The following ATRX variants were observed in gnomAD, a reference collection of about 807,000 sequenced individuals.
ATRX encodes ATRX chromatin remodeler.
In ATRX, 12 loss-of-function variants were observed where a neutral mutation model predicts 172.6. The observed-to-expected ratio is 0.07, with a 90% confidence interval of 0.04 to 0.11. The LOEUF is 0.11. Among genes scored for constraint, ATRX ranks in the 10% least tolerant of loss-of-function variants. ATRX has a pLI of 1.00. For missense variants in ATRX, 1,368 were observed against 1,767.4 expected, an observed-to-expected ratio of 0.77 and a Z score of 4.05; for synonymous variants, 674 against 594.7, an observed-to-expected ratio of 1.13 and a Z score of -1.94.
intron 1 of ATRX, 116 bp from the exon 2 acceptor site, chrX:77,717,359 C>T: frequency 1.8e-6 from 1 of 563,522 alleles, no homozygotes; most frequent in South Asian, 2.7e-5. Context: ...AGAGTATGCA[C>T]ATTCAAAGTA....
At chrX:77,672,459 G>A (rs1456285286) in intron 10 of ATRX, among the ~76,000 whole-genome samples, 1 of 108,932 alleles carries the variant, frequency 9.2e-6, no homozygotes. Flanking sequence ...AGTTTCCTCC[G>A]AAAATATGCT....
intron 2 of ATRX, among the ~76,000 whole-genome samples, chrX:77,699,168 C>A (rs1557152045): frequency 9.1e-6 from 1 of 110,469 alleles, no homozygotes; most frequent in Non-Finnish European, 1.9e-5. Context: ...GGGTCTCACT[C>A]CATTGTCCAT....
At chrX:77,533,712 A>G (rs1249712691) in intron 30 of ATRX, among the ~76,000 whole-genome samples, 2 of 111,536 alleles carry the variant, frequency 1.8e-5, no homozygotes, top group East Asian at 5.6e-4. Context: ...TGATCTGTGC[A>G]GTAACCCACC....
intron 2 of ATRX, among the ~76,000 whole-genome samples, chrX:77,712,072 A>G (rs1293570400): frequency 9.0e-6 from 1 of 111,575 alleles, no homozygotes; most frequent in East Asian, 2.8e-4. Flanking sequence ...CTCTCTACTC[A>G]TGTTACAGCT....
At chrX:77,561,446 A>G (rs2065017234) in intron 28 of ATRX, among the ~76,000 whole-genome samples, 1 of 111,299 alleles carries the variant, frequency 9.0e-6, no homozygotes, top group Non-Finnish European at 1.9e-5. Flanking sequence ...ATTAAAGTAT[A>G]TGCTCAAAAC....
chrX:77,721,529 T>C (rs1463429971), intron 1 of ATRX, among the ~76,000 whole-genome samples: 1 of 111,059 alleles, frequency 9.0e-6, no homozygotes, highest in African/African-American at 3.3e-5. Context: ...TATACAACAA[T>C]AACAGATAGA....
chrX:77,697,866 G>A (rs1459563305), intron 3 of ATRX, among the ~76,000 whole-genome samples: 1 of 111,782 alleles, frequency 8.9e-6, no homozygotes, highest in Non-Finnish European at 1.9e-5. Flanking sequence ...GGTTTCCTTG[G>A]CTGAAGATTA....
At chrX:77,692,530 C>A (rs1212292521) in intron 6 of ATRX, among the ~76,000 whole-genome samples, 1 of 111,311 alleles carries the variant, frequency 9.0e-6, no homozygotes, top group Non-Finnish European at 1.9e-5. Flanking sequence ...GCAAGATAAT[C>A]ATAGCATTAA....
At chrX:77,559,348 C>T (rs972279940) in intron 28 of ATRX, among the ~76,000 whole-genome samples, 9 of 102,946 alleles carry the variant, frequency 8.7e-5, no homozygotes, top group Admixed American at 3.2e-4. Flanking sequence ...AAGACAGACA[C>T]GGGGCTCCAG....
chrX:77,641,765 A>C (rs2068668881), intron 15 of ATRX, among the ~76,000 whole-genome samples: 2 of 111,479 alleles, frequency 1.8e-5, no homozygotes, highest in Non-Finnish European at 1.9e-5. Context: ...TTGAAGACAA[A>C]GCAAGAAAAA....
chrX:77,583,181 A>G, intron 27 of ATRX, among the ~76,000 whole-genome samples: 1 of 111,803 alleles, frequency 8.9e-6, no homozygotes, highest in Non-Finnish European at 1.9e-5. Context: ...GAATAGTTCA[A>G]CATATACAAA....
chrX:77,677,656 C>A (rs2070957299), intron 9 of ATRX, among the ~76,000 whole-genome samples: 1 of 84,264 alleles, frequency 1.2e-5, no homozygotes, highest in Non-Finnish European at 2.5e-5. Flanking sequence ...TTATCTGAGA[C>A]CTCCCTGTAT....
chrX:77,698,516 A>C, intron 3 of ATRX, 58 bp downstream of exon 3: 1 of 1,051,705 alleles, frequency 9.5e-7, no homozygotes. Flanking sequence ...CAATCTAAAG[A>C]CATATGCTCT....
chrX:77,674,980 C>G (rs1557132686), intron 10 of ATRX: 2 of 111,662 alleles, frequency 1.8e-5, no homozygotes, highest in African/African-American at 6.5e-5. Context: ...CTATTCAAAA[C>G]TGTAAAATAA....
intron 15 of ATRX, among the ~76,000 whole-genome samples, chrX:77,641,453 C>A (rs781790737): frequency 2.7e-5 from 3 of 109,391 alleles, no homozygotes; most frequent in Non-Finnish European, 5.7e-5. Context: ...TGGTGGCACA[C>A]GCCTGTAGTC....
chrX:77,551,258 C>A (rs1178974246), intron 30 of ATRX, among the ~76,000 whole-genome samples: 1 of 111,602 alleles, frequency 9.0e-6, no homozygotes, highest in Non-Finnish European at 1.9e-5. Context: ...GTACTGGTAC[C>A]AAAACAGAGA....
intron 19 of ATRX, among the ~76,000 whole-genome samples, chrX:77,631,239 A>G (rs1209954321): frequency 9.0e-6 from 1 of 111,095 alleles, no homozygotes; most frequent in Admixed American, 9.6e-5. Flanking sequence ...TTTATAGTCC[A>G]ATGCACGAAC....
At chrX:77,549,955 AAAATG>A (rs537966178) in intron 30 of ATRX, among the ~76,000 whole-genome samples, 1,401 of 111,568 alleles carry the variant, frequency 0.013, 10 homozygotes, top group Middle Eastern at 0.046. Context: ...CCTTGTCTCA[AAAATG>A]AAATGAAATG....
chrX:77,687,418 C>G (rs782645663), intron 7 of ATRX, among the ~76,000 whole-genome samples: 1 of 111,519 alleles, frequency 9.0e-6, no homozygotes, highest in African/African-American at 3.3e-5. Context: ...GTAAATAAAT[C>G]TAAAGTCATA....
Sources: allele counts gnomAD v4.1 joint callset (sites outside exome capture counted in the v4.1 genomes callset), GRCh38; gene constraint gnomAD v4.1.1; transcripts MANE v1.5; gene names NCBI Gene and HGNC (gene_info 2026-07-23, HGNC 2026-07-21).